Variants in TOX4 observed in about 807,000 individuals in gnomAD.
TOX4 encodes epidermal Langerhans cell protein LCP1.
Under a neutral mutation model 61.0 loss-of-function variants are expected in TOX4, and 12 were observed. The ratio of observed to expected loss-of-function variants is 0.20; its 90% CI spans 0.13 to 0.32. The LOEUF is 0.32. Ranked by LOEUF, TOX4 falls within the 10% of genes least tolerant of loss-of-function variation. The pLI is 1.00. For synonymous variants in TOX4, 268 were observed against 274.8 expected (o/e 0.98, Z 0.24); for missense variants, 499 against 753.3 (o/e 0.66, Z 3.95).
Position 21,492,590 on chromosome 14 carries a change from C to G in TOX4, c.974C>G (p.Ala325Gly). The change falls in exon 7 of 9, where the codon GCA (alanine) becomes GGA (glycine). Residue 325 changes from alanine (A) to glycine (G), a missense_variant. Transcript: ENST00000448790. ...CCTCCTATGGCTACTGTTGACCCAG[C>G]ATCTCCAGCACCAGCTTCAATAGAG... ...SPPPMATVDP[A>G]SPAPASIEPP... 1 of 1,613,866 alleles carries G rather than the reference C, an allele frequency of 6.2e-7. No homozygotes were observed. Among genetic ancestry groups the G allele is most frequent in the East Asian group, 2.2e-5 (1 of 44,878 alleles).
intron 8 of TOX4, 70 bp from the exon 9 acceptor site, chr14:21,496,476 A>AG: frequency 6.9e-7 from 1 of 1,441,972 alleles, no homozygotes; most frequent in Non-Finnish European, 9.7e-7. Flanking sequence ...AAAAAAAAAA[A>AG]TGTATCTAGG....
intron 5 of TOX4, among the ~76,000 whole-genome samples, chr14:21,491,554 C>G (rs1459405708): frequency 1.3e-5 from 2 of 150,798 alleles, no homozygotes; most frequent in Non-Finnish European, 3.0e-5. Context: ...TAGTAGAGAT[C>G]GGGTTTCACC....
At chr14:21,481,959 G>C (rs1891114885) in intron 2 of TOX4, among the ~76,000 whole-genome samples, 1 of 152,164 alleles carries the variant, frequency 6.6e-6, no homozygotes, top group Admixed American at 6.5e-5. Flanking sequence ...CTGCATCTTT[G>C]ATCTGGATAG....
rs764304133 is a variant in TOX4, at chr14:21,499,060, C to T, written c.*2454C>T. On this transcript the variant is annotated 3_prime_UTR_variant, in exon 9 of 9. Coordinates refer to ENST00000448790, the MANE Select transcript of TOX4 (RefSeq NM_014828.4). ...GCACATTGTGTGGTCGTCCAAATAA[C>T]TCAATCTTGCGAGTGCCAGGAGATA... is the stretch of plus-strand genomic sequence containing the variant. The T allele has an allele frequency of 6.2e-7, 1 of 1,614,174 alleles. No individual in the cohort carries two copies. Among genetic ancestry groups the T allele is most frequent in the South Asian group, 1.1e-5 (1 of 91,078 alleles).
chr14:21,491,180 C>G (rs34765612), intron 5 of TOX4, among the ~76,000 whole-genome samples: 22,837 of 151,866 alleles, frequency 0.15, 1,770 homozygotes, highest in Admixed American at 0.23. Flanking sequence ...CTTTTTAGAG[C>G]TAGCCCAGAT....
At position 21,498,589 on chromosome 14, in the gene TOX4, A is replaced by G. The variant is rs1891471640; in HGVS notation, c.*1983A>G. Reference sequence around the variant, plus strand: ...ACTGGATCTGTATTATCTGAGGGTTAGTAACTAATGCTTAGCCAGGCCTGC... The same window carrying G: ...ACTGGATCTGTATTATCTGAGGGTTGGTAACTAATGCTTAGCCAGGCCTGC... On this transcript the variant is annotated 3_prime_UTR_variant, in exon 9 of 9. Transcript: ENST00000448790. 7.0e-6 allele frequency: 4 copies of G among 572,656 alleles called. No homozygotes were observed. The highest frequency in any genetic ancestry group is 6.5e-5 in the Admixed American group (2 of 30,774). 35.5% of individuals were successfully genotyped at this position (572,656 alleles called of 1,614,324 possible). A position where few individuals can be genotyped will look rare whatever the true frequency, so the allele number is the denominator to read the frequency against.
At chr14:21,480,435 C>T (rs1241349822) in intron 2 of TOX4, among the ~76,000 whole-genome samples, 4 of 151,936 alleles carry the variant, frequency 2.6e-5, no homozygotes, top group South Asian at 2.1e-4. Context: ...CCCTTGGTAG[C>T]GGTGGTAATG....
At chr14:21,494,052 T>C (rs903685040) in intron 7 of TOX4, among the ~76,000 whole-genome samples, 3 of 152,078 alleles carry the variant, frequency 2.0e-5, no homozygotes, top group African/African-American at 7.2e-5. Flanking sequence ...TGCCCCATAG[T>C]GTTTTTAGTG....
At chr14:21,477,361 G>A (rs1247824309) in intron 1 of TOX4, 77 bp downstream of exon 1, 3 of 1,613,462 alleles carry the variant, frequency 1.9e-6, no homozygotes, top group Non-Finnish European at 2.5e-6. Flanking sequence ...AAGCCGGGCG[G>A]AGAGGCGACT....
Position 21,488,657 on chromosome 14 carries a change from C to T in TOX4, c.386C>T (p.Thr129Ile). The T allele has an allele frequency of 1.2e-6, 2 of 1,614,124 alleles. No individual in the cohort carries two copies. The highest frequency in any genetic ancestry group is 8.5e-7 in the Non-Finnish European group (1 of 1,180,010). Reference sequence around the variant, plus strand: ...CCTGTTACAATTGATGTACCAATGACAGACATGACATCTGGCTTGATGGGG... The same window carrying T: ...CCTGTTACAATTGATGTACCAATGATAGACATGACATCTGGCTTGATGGGG... ...NPPVTIDVPM[T>I]DMTSGLMGHS... Residue 129 changes from threonine (T) to isoleucine (I), a missense_variant, in exon 4 of 9, where the codon ACA becomes ATA. Physicochemically the swap from Thr to Ile is moderately conservative, Grantham distance 89. Coordinates refer to ENST00000448790, the MANE Select transcript of TOX4 (RefSeq NM_014828.4).
chr14:21,495,226 C>T lies in TOX4; in HGVS notation c.1642-3C>T. The T allele has an allele frequency of 1.2e-6, 2 of 1,613,640 alleles. No individual in the cohort carries two copies. The highest frequency in any genetic ancestry group is 1.7e-4 in the Middle Eastern group (1 of 5,872). ...CACCTTGGTACTCTTCTTCTTCTCA[C>T]AGGTTGAGTCTCCTTCTCAGATGGA... On this transcript the variant is annotated splice_polypyrimidine_tract_variant and splice_region_variant and intron_variant, in intron 7 of 8. Coordinates refer to ENST00000448790, the MANE Select transcript of TOX4 (RefSeq NM_014828.4).
intron 7 of TOX4, among the ~76,000 whole-genome samples, chr14:21,494,890 G>T (rs1891368539): frequency 6.6e-6 from 1 of 152,054 alleles, no homozygotes; most frequent in African/African-American, 2.4e-5. Flanking sequence ...CAGCACTCCA[G>T]CCTGGGCAAC....
chr14:21,484,034 C>T (rs535579381), intron 2 of TOX4, among the ~76,000 whole-genome samples: 8 of 151,964 alleles, frequency 5.3e-5, no homozygotes, highest in South Asian at 4.2e-4. Flanking sequence ...CCCGAACTCC[C>T]GACTTTTCAA....
At chr14:21,483,217 T>C (rs1459086720) in intron 2 of TOX4, among the ~76,000 whole-genome samples, 1 of 152,196 alleles carries the variant, frequency 6.6e-6, no homozygotes, top group East Asian at 1.9e-4. Flanking sequence ...TAACAAATAG[T>C]ATCATTTTTA....
At chr14:21,489,489 C>G in intron 5 of TOX4, 86 bp downstream of exon 5, 5 of 1,155,710 alleles carry the variant, frequency 4.3e-6, no homozygotes, top group Non-Finnish European at 6.2e-6. Context: ...TCTTACATGT[C>G]CTTATCTAAT....
rs1031158675 is a variant in TOX4, at chr14:21,497,164, A to G, written c.*558A>G. On this transcript the variant is annotated 3_prime_UTR_variant, in exon 9 of 9. Coordinates refer to ENST00000448790, the MANE Select transcript of TOX4 (RefSeq NM_014828.4). ...TATATATATTATTTCTGCAGTTACC[A>G]TCCTTATCTGAGTTATCACAGTTCA... is the stretch of plus-strand genomic sequence containing the variant. 13 of 152,498 alleles carry G rather than the reference A, an allele frequency of 8.5e-5. No homozygotes were observed. Among genetic ancestry groups the G allele is most frequent in the African/African-American group, 3.1e-4 (13 of 41,444 alleles). The allele number at this position is 152,498 out of a possible 1,614,324, so 9.4% of individuals were successfully genotyped here.
rs1208234449 is a variant in TOX4 at position 21,495,237 on chromosome 14, T to C, written c.1650T>C (p.Ser550=). 3 of 1,614,054 alleles carry C rather than the reference T, an allele frequency of 1.9e-6. No homozygotes were observed. The highest frequency in any genetic ancestry group is 1.7e-5 in the Admixed American group (1 of 60,012). Residue 550 remains serine (S), a synonymous_variant, in exon 8 of 9, where the codon TCT becomes TCC. Transcript: ENST00000448790. Reference sequence around the variant, plus strand: ...TCTTCTTCTTCTCACAGGTTGAGTCTCCTTCTCAGATGGATGTTGAATTGG... The same window carrying C: ...TCTTCTTCTTCTCACAGGTTGAGTCCCCTTCTCAGATGGATGTTGAATTGG... The part of the protein sequence containing the change: ...MITDVVPEVE[S]PSQMDVELVS...
At position 21,498,798 on chromosome 14, in the gene TOX4, G is replaced by C. The variant is rs894000914; in HGVS notation, c.*2192G>C. ...GAGGAAGATCCTTGGGTTGTGAAGA[G>C]AGTAGAAACCCTAGGGAGCAGTGCT... On this transcript the variant is annotated 3_prime_UTR_variant, in exon 9 of 9. Transcript: ENST00000448790. The C allele has an allele frequency of 7.5e-6, 4 of 529,912 alleles. No individual in the cohort carries two copies. In the Admixed American group the frequency reaches 9.9e-5, roughly 13 times the overall value. 32.8% of individuals were successfully genotyped at this position (529,912 alleles called of 1,614,324 possible).
intron 2 of TOX4, among the ~76,000 whole-genome samples, chr14:21,481,677 C>T (rs1193502928): frequency 1.3e-5 from 2 of 152,120 alleles, no homozygotes; most frequent in South Asian, 4.1e-4. Context: ...ACTAGCTTAA[C>T]CCTGAAAACA....
Sources: allele counts gnomAD v4.1 joint callset (sites outside exome capture counted in the v4.1 genomes callset), GRCh38; gene constraint gnomAD v4.1.1; transcripts MANE v1.5; gene names NCBI Gene and HGNC (gene_info 2026-07-23, HGNC 2026-07-21).